Variants in APBB2 observed in about 807,000 individuals in gnomAD.
APBB2 encodes amyloid beta precursor protein binding family B member 2.
APBB2 carries 38 observed loss-of-function variants against 82.5 expected under a neutral mutation model. The ratio of observed to expected loss-of-function variants is 0.46; its 90% CI spans 0.36 to 0.60. APBB2 has a LOEUF of 0.60. APBB2 is among the 20% of genes least tolerant of loss of function. The pLI is 0.00. For missense variants in APBB2, 772 were observed against 972.3 expected (o/e 0.79, Z 2.74); for synonymous variants, 341 against 368.2 (o/e 0.93, Z 0.85).
At chr4:41,188,685 G>C (rs1387527571) in intron 1 of APBB2, among the ~76,000 whole-genome samples, 1 of 152,210 alleles carries the variant, frequency 6.6e-6, no homozygotes, top group African/African-American at 2.4e-5. Flanking sequence ...GACTAAAACA[G>C]TGCCTGTGGG....
At chr4:41,059,189 G>C (rs1728868683) in intron 4 of APBB2, among the ~76,000 whole-genome samples, 2 of 152,156 alleles carry the variant, frequency 1.3e-5, no homozygotes, top group Admixed American at 6.5e-5. Flanking sequence ...GGCTGGGCGA[G>C]GTGGCTCACG....
At chr4:40,935,202 G>GAAAAA in intron 7 of APBB2, 63 bp from the exon 8 acceptor site, 1 of 806,722 alleles carries the variant, frequency 1.2e-6, no homozygotes, top group East Asian at 3.1e-5. Context: ...GAAAAGAAAA[G>GAAAAA]AAAAAAAAAA....
At chr4:41,115,474 G>C (rs770984489) in intron 2 of APBB2, among the ~76,000 whole-genome samples, 35 of 152,140 alleles carry the variant, frequency 2.3e-4, no homozygotes, top group Non-Finnish European at 4.1e-4. Flanking sequence ...TGACAAATGG[G>C]ATCTAATTAA....
chr4:40,962,169 C>T (rs138178792), intron 6 of APBB2, among the ~76,000 whole-genome samples: 15 of 152,226 alleles, frequency 9.9e-5, no homozygotes, highest in East Asian at 5.8e-4. Context: ...GATGCAGGGG[C>T]TATTGACAGA....
intron 1 of APBB2, among the ~76,000 whole-genome samples, chr4:41,185,129 T>C (rs1772543254): frequency 6.6e-6 from 1 of 152,100 alleles, no homozygotes; most frequent in Non-Finnish European, 1.5e-5. Flanking sequence ...TGGAAATATA[T>C]GGATGGATGA....
intron 16 of APBB2, among the ~76,000 whole-genome samples, chr4:40,822,809 G>A (rs1019997786): frequency 1.3e-5 from 2 of 152,216 alleles, no homozygotes. Flanking sequence ...GAGAGGTCGG[G>A]AAGTTTTCTC....
chr4:41,175,445 G>A (rs1449413068), intron 1 of APBB2, among the ~76,000 whole-genome samples: 1 of 151,844 alleles, frequency 6.6e-6, no homozygotes, highest in Non-Finnish European at 1.5e-5. Context: ...CTTGTATTTT[G>A]TTTGTTTGTT....
intron 1 of APBB2, among the ~76,000 whole-genome samples, chr4:41,209,744 C>A (rs1778866997): frequency 6.6e-6 from 1 of 152,214 alleles, no homozygotes; most frequent in African/African-American, 2.4e-5. Context: ...TATCTGCTAA[C>A]TAGACTGGCA....
chr4:41,136,210 C>A (rs780965211), intron 2 of APBB2, among the ~76,000 whole-genome samples: 6 of 152,168 alleles, frequency 3.9e-5, no homozygotes, highest in Non-Finnish European at 7.4e-5. Context: ...TTTGATTCAG[C>A]TCCCAAAAGA....
chr4:40,827,742 A>G (rs1750436675), intron 13 of APBB2, among the ~76,000 whole-genome samples: 1 of 152,214 alleles, frequency 6.6e-6, no homozygotes, highest in Non-Finnish European at 1.5e-5. Flanking sequence ...CTCAGATGGT[A>G]GTTCTGAGGA....
intron 6 of APBB2, among the ~76,000 whole-genome samples, chr4:40,977,556 T>C (rs34819488): frequency 0.17 from 26,092 of 152,166 alleles, 2,550 homozygotes; most frequent in Middle Eastern, 0.23. Flanking sequence ...CAGGTGATCC[T>C]CCCACTTCGG....
At chr4:40,825,087 A>G (rs1749427879) in intron 15 of APBB2, among the ~76,000 whole-genome samples, 1 of 152,234 alleles carries the variant, frequency 6.6e-6, no homozygotes, top group Admixed American at 6.5e-5. Flanking sequence ...GTATGGAAGT[A>G]TCACATCTTA....
chr4:41,033,552 T>A (rs1408405068), intron 4 of APBB2, among the ~76,000 whole-genome samples: 1 of 151,076 alleles, frequency 6.6e-6, no homozygotes, highest in African/African-American at 2.4e-5. Context: ...CTTACCTACC[T>A]TTCTGTCTCA....
intron 12 of APBB2, among the ~76,000 whole-genome samples, chr4:40,846,084 G>A (rs1395119023): frequency 1.3e-5 from 2 of 151,670 alleles, no homozygotes; most frequent in South Asian, 2.1e-4. Flanking sequence ...AGGGCCCTTA[G>A]CCTCTTTGTT....
chr4:40,858,253 T>C (rs892262283), intron 12 of APBB2, among the ~76,000 whole-genome samples: 2 of 152,124 alleles, frequency 1.3e-5, no homozygotes, highest in African/African-American at 2.4e-5. Flanking sequence ...GGTCTCTCAC[T>C]GACTGTATTC....
intron 12 of APBB2, among the ~76,000 whole-genome samples, chr4:40,833,394 T>C (rs1253339908): frequency 6.6e-6 from 1 of 152,066 alleles, no homozygotes; most frequent in East Asian, 1.9e-4. Context: ...AGTGGTGTCT[T>C]CCCTCACGTG....
intron 12 of APBB2, among the ~76,000 whole-genome samples, chr4:40,864,351 A>G (rs549141177): frequency 1.3e-5 from 2 of 152,298 alleles, no homozygotes; most frequent in East Asian, 3.9e-4. Flanking sequence ...TTGTAAAAGA[A>G]AGACCCCACT....
chr4:40,905,264 C>T (rs906320168), intron 10 of APBB2, among the ~76,000 whole-genome samples: 2 of 152,204 alleles, frequency 1.3e-5, no homozygotes, highest in Non-Finnish European at 2.9e-5. Context: ...GCCTGGGTCA[C>T]CTCTGTCTCT....
intron 6 of APBB2, among the ~76,000 whole-genome samples, chr4:40,951,938 C>A (rs1790285540): frequency 2.0e-5 from 3 of 151,942 alleles, no homozygotes; most frequent in Middle Eastern, 3.4e-3. Flanking sequence ...GTAATACTAG[C>A]ACTTTGAGAG....
Sources: allele counts gnomAD v4.1 joint callset (sites outside exome capture counted in the v4.1 genomes callset), GRCh38; gene constraint gnomAD v4.1.1; transcripts MANE v1.5; gene names NCBI Gene and HGNC (gene_info 2026-07-23, HGNC 2026-07-21).